Variants in SLC45A4 observed in about 807,000 individuals in gnomAD.
SLC45A4 encodes polyamine-transporter SLC45A4.
Under a neutral mutation model 63.7 loss-of-function variants are expected in SLC45A4, and 32 were observed. The observed-to-expected ratio is 0.50, with a 90% confidence interval of 0.38 to 0.67. SLC45A4 has a LOEUF of 0.67. Among genes scored for constraint, SLC45A4 ranks in the 30% least tolerant of loss-of-function variants. The pLI, the probability that SLC45A4 is intolerant of heterozygous loss-of-function variation, is 0.00. For missense variants in SLC45A4, 1,027 were observed against 1,157.7 expected, an observed-to-expected ratio of 0.89 and a Z score of 1.64; for synonymous variants, 535 against 510.0, an observed-to-expected ratio of 1.05 and a Z score of -0.66.
rs76418654 is a variant in SLC45A4, at chr8:141,273,064, G to A, written c.-400-18435C>T. 1.4e-4 allele frequency among the ~76,000 whole-genome samples: 21 copies of A among 152,286 alleles called. No homozygotes were observed. In the East Asian group the frequency reaches 2.1e-3, roughly 15 times the overall value. ...GCAGTGTCCGACACGTAGCAAACACGCGAGAAGAGCTCATTTAAGAGGAAA... is the reference window on the plus strand; with the variant it reads ...GCAGTGTCCGACACGTAGCAAACACACGAGAAGAGCTCATTTAAGAGGAAA... On this transcript the variant is annotated intron_variant, in intron 1 of 8. Transcript: ENST00000517878.
At chr8:141,284,990 G>A (rs992154058) in intron 1 of SLC45A4, among the ~76,000 whole-genome samples, 2 of 137,660 alleles carry the variant, frequency 1.5e-5, no homozygotes, top group African/African-American at 5.2e-5. Flanking sequence ...CCCCCAGCAA[G>A]GCCGGCTTGA....
At chr8:141,286,179 G>T (rs542101173) in intron 1 of SLC45A4, among the ~76,000 whole-genome samples, 5 of 152,334 alleles carry the variant, frequency 3.3e-5, no homozygotes, top group African/African-American at 1.2e-4. Context: ...AGCCCTTGGG[G>T]TGCCCAAGGC....
Position 141,209,272 on chromosome 8 carries a change from C to A in SLC45A4, c.*2300G>T, listed in dbSNP as rs1056896086. On this transcript the variant is annotated 3_prime_UTR_variant, in exon 9 of 9. Coordinates refer to ENST00000517878, the MANE Select transcript of SLC45A4 (RefSeq NM_001286646.2). ...CACACAAGCTGCGGGCGCAATGGCG[C>A]TTTGCAGACAAGACAGCCTGCCCGT... 8 of 152,448 alleles carry A rather than the reference C, an allele frequency of 5.2e-5. No individual in the cohort carries two copies. The highest frequency in any genetic ancestry group is 1.9e-4 in the African/African-American group (8 of 41,468). 9.4% of individuals were successfully genotyped at this position (152,448 alleles called of 1,614,324 possible).
At chr8:141,288,204 A>C (rs182932671) in intron 1 of SLC45A4, among the ~76,000 whole-genome samples, 9 of 152,166 alleles carry the variant, frequency 5.9e-5, no homozygotes, top group African/African-American at 2.2e-4. Context: ...CAGGCTGGGA[A>C]TTCATATTCA....
intron 1 of SLC45A4, among the ~76,000 whole-genome samples, chr8:141,261,061 C>G (rs1409427213): frequency 2.0e-5 from 3 of 152,196 alleles, no homozygotes; most frequent in Non-Finnish European, 2.9e-5. Context: ...AGATGCAAGG[C>G]TGGTTCAACA....
intron 1 of SLC45A4, among the ~76,000 whole-genome samples, chr8:141,258,790 T>C (rs1000938446): frequency 4.0e-5 from 6 of 151,818 alleles, no homozygotes; most frequent in Admixed American, 1.3e-4. Flanking sequence ...ACTCAGGAGA[T>C]TGAGGCAGAA....
chr8:141,211,743 C>T (rs533513870), intron 8 of SLC45A4, 46 bp from the exon 9 acceptor site: 8 of 1,486,756 alleles, frequency 5.4e-6, no homozygotes, highest in Middle Eastern at 3.6e-4. Context: ...ACTGACTACA[C>T]TACCATTATC....
At position 141,278,549 on chromosome 8, in the gene SLC45A4, G is replaced by A. The variant is rs1186732974; in HGVS notation, c.-400-23920C>T. Among the ~76,000 whole-genome samples the A allele has an allele frequency of 1.1e-4, 17 of 151,956 alleles. No individual in the cohort carries two copies. In the East Asian group the frequency reaches 2.9e-3, roughly 26 times the overall value. ...CCACGAGGACACTGGTGAGACAGGG[G>A]TGAGCACCTGCAGTGGAGGTGGGGC... is the stretch of plus-strand genomic sequence containing the variant. On this transcript the variant is annotated intron_variant, in intron 1 of 8. Coordinates refer to ENST00000517878, the MANE Select transcript of SLC45A4 (RefSeq NM_001286646.2). This position sits in a 1 kb window ranked among gnomAD's most constrained non-coding sequence, Gnocchi z 4.1.
At chr8:141,300,388 T>C (rs1830702668) in intron 1 of SLC45A4, among the ~76,000 whole-genome samples, 1 of 152,268 alleles carries the variant, frequency 6.6e-6, no homozygotes, top group Non-Finnish European at 1.5e-5. Flanking sequence ...CTGATTTTCT[T>C]ACCAAATTTC....
chr8:141,281,738 T>C (rs1829955381), intron 1 of SLC45A4, among the ~76,000 whole-genome samples: 1 of 152,244 alleles, frequency 6.6e-6, no homozygotes, highest in Non-Finnish European at 1.5e-5. Flanking sequence ...TTTGTTTCAA[T>C]GGCTCAAAAG....
At chr8:141,219,921 G>C in intron 3 of SLC45A4, 92 bp from the exon 4 acceptor site, 1 of 1,265,822 alleles carries the variant, frequency 7.9e-7, no homozygotes, top group Non-Finnish European at 1.1e-6. Context: ...GGCATGCGGA[G>C]GGGGCACGGC....
intron 1 of SLC45A4, among the ~76,000 whole-genome samples, chr8:141,279,098 C>T (rs538579937): frequency 2.0e-5 from 3 of 152,358 alleles, no homozygotes; most frequent in East Asian, 3.9e-4. Context: ...CCACATTCTG[C>T]GGGACCCACC....
chr8:141,271,471 AC>A (rs2154614935), intron 1 of SLC45A4, among the ~76,000 whole-genome samples: 1 of 152,322 alleles, frequency 6.6e-6, no homozygotes, highest in East Asian at 1.9e-4. Flanking sequence ...CCCAAGAACC[AC>A]GTCATTCAGA....
intron 1 of SLC45A4, among the ~76,000 whole-genome samples, chr8:141,275,381 A>C (rs1353601865): frequency 6.6e-6 from 1 of 152,150 alleles, no homozygotes; most frequent in African/African-American, 2.4e-5. Flanking sequence ...AAAAACCTTA[A>C]AATGCGTACA....
chr8:141,219,592 C>T (rs957203919), intron 4 of SLC45A4, 58 bp downstream of exon 4: 4 of 1,543,544 alleles, frequency 2.6e-6, no homozygotes, highest in Non-Finnish European at 3.5e-6. Flanking sequence ...GTCCCCTCCC[C>T]ACACCAGGCC....
intron 1 of SLC45A4, among the ~76,000 whole-genome samples, chr8:141,277,338 C>A (rs975879046): frequency 1.3e-5 from 2 of 152,234 alleles, no homozygotes; most frequent in African/African-American, 4.8e-5. Context: ...CTGATCCCTG[C>A]CCGAATATTA....
In SLC45A4 at chr8:141,211,331, G is replaced by C; in HGVS notation, c.*241C>G. 5 of 1,300,902 alleles carry C rather than the reference G, an allele frequency of 3.8e-6. No individual in the cohort carries two copies. The South Asian group carries it at 5.1e-5, about 13-fold the overall frequency. 80.6% of individuals were successfully genotyped at this position (1,300,902 alleles called of 1,614,324 possible). A position where few individuals can be genotyped will look rare whatever the true frequency, so the allele number is the denominator to read the frequency against. ...GGGACGAGCGGGGTCACATGGCTGG[G>C]CGCAGACACACTCACACGCGCACGC... On this transcript the variant is annotated 3_prime_UTR_variant, in exon 9 of 9. Transcript: ENST00000517878.
At chr8:141,291,402 T>A (rs1830342201) in intron 1 of SLC45A4, among the ~76,000 whole-genome samples, 1 of 152,206 alleles carries the variant, frequency 6.6e-6, no homozygotes, top group African/African-American at 2.4e-5. Context: ...AATTTTTTTT[T>A]AAATCAGTCC....
chr8:141,251,738 C>T (rs188563069), intron 2 of SLC45A4, among the ~76,000 whole-genome samples: 22 of 151,868 alleles, frequency 1.4e-4, no homozygotes, highest in East Asian at 7.8e-4. Flanking sequence ...CGGAAAAGCA[C>T]GCTGAAATAC....
Sources: allele counts gnomAD v4.1 joint callset (sites outside exome capture counted in the v4.1 genomes callset), GRCh38; gene constraint gnomAD v4.1.1; non-coding constraint Gnocchi (gnomAD v3.1); transcripts MANE v1.5; gene names NCBI Gene and HGNC (gene_info 2026-07-23, HGNC 2026-07-21).